The following RASGRF2 variants were observed in gnomAD, a reference collection of about 807,000 sequenced individuals.
RASGRF2 encodes the protein ras-specific guanine nucleotide-releasing factor 2.
Under a neutral mutation model 151.0 loss-of-function variants are expected in RASGRF2, and 76 were observed. The observed-to-expected ratio is 0.50, with a 90% CI of 0.42 to 0.61. The LOEUF is 0.61. Among genes scored for constraint, RASGRF2 ranks in the 20% least tolerant of loss-of-function variants. RASGRF2 has a pLI of 0.00. For synonymous variants in RASGRF2, 504 were observed against 566.5 expected (o/e 0.89, Z 1.57); for missense variants, 1,148 against 1,564.6 (o/e 0.73, Z 4.49).
chr5:81,052,453 T>C (rs1222306504), intron 2 of RASGRF2, among the ~76,000 whole-genome samples: 1 of 152,092 alleles, frequency 6.6e-6, no homozygotes. Context: ...GAAGGAGCAA[T>C]GTTTAGAAGA....
rs1749674970 is a variant in RASGRF2 at position 81,017,459 on chromosome 5, G to A, written c.289-25418G>A. Among the ~76,000 whole-genome samples the A allele has an allele frequency of 3.3e-5, 5 of 152,340 alleles. No homozygotes were observed. The South Asian group carries it at 1.0e-3, about 32-fold the overall frequency. ...TGAATAAAAGTTGGCTTCTAGTGAA[G>A]CAAATGTGCCCATGGCAAGGCCTCT... On this transcript the variant is annotated intron_variant, in intron 1 of 26. Coordinates refer to ENST00000265080, the MANE Select transcript of RASGRF2 (RefSeq NM_006909.3).
At chr5:81,209,183 G>A (rs1226914209) in intron 22 of RASGRF2, among the ~76,000 whole-genome samples, 1 of 152,152 alleles carries the variant, frequency 6.6e-6, no homozygotes, top group African/African-American at 2.4e-5. Context: ...GCCTCTTGGA[G>A]CATAATCACA....
chr5:80,999,425 C>A (rs2112285095), intron 1 of RASGRF2, among the ~76,000 whole-genome samples: 1 of 152,234 alleles, frequency 6.6e-6, no homozygotes, highest in East Asian at 1.9e-4. Context: ...TCACTGTAGC[C>A]TCAACCTCCT....
At chr5:80,993,059 A>C (rs1219746953) in intron 1 of RASGRF2, among the ~76,000 whole-genome samples, 2 of 152,218 alleles carry the variant, frequency 1.3e-5, no homozygotes, top group South Asian at 2.1e-4. Flanking sequence ...CATTACTGAA[A>C]TAAATAGCAT....
intron 1 of RASGRF2, among the ~76,000 whole-genome samples, chr5:81,035,432 G>T (rs953386295): frequency 6.6e-6 from 1 of 152,038 alleles, no homozygotes; most frequent in Non-Finnish European, 1.5e-5. Flanking sequence ...TGGACATAGG[G>T]TGGGGAGCAT....
In RASGRF2 at chr5:81,009,133, C is replaced by T. The variant is rs533805285; in HGVS notation, c.289-33744C>T. ...TGGGTGATTGTCCTGCCTCTTTCAGCCTGTTTCCTCATCTGTAAAAGGGGA... is the reference window on the plus strand; with the variant it reads ...TGGGTGATTGTCCTGCCTCTTTCAGTCTGTTTCCTCATCTGTAAAAGGGGA... On this transcript the variant is annotated intron_variant, in intron 1 of 26. Transcript: ENST00000265080. Among the ~76,000 whole-genome samples, 11 of 152,310 alleles carry T rather than the reference C, an allele frequency of 7.2e-5. No homozygotes were observed. The South Asian group carries it at 1.0e-3, about 14-fold the overall frequency.
In RASGRF2 at chr5:81,228,942, G is replaced by T. The variant is rs930893375; in HGVS notation, c.*3172G>T. ...TAAACAAATGAAACTCAGAGAAACTGAATCACCTGGAAGAGAAAAATCCAT... is the reference window on the plus strand; with the variant it reads ...TAAACAAATGAAACTCAGAGAAACTTAATCACCTGGAAGAGAAAAATCCAT... On this transcript the variant is annotated 3_prime_UTR_variant, in exon 27 of 27. Transcript: ENST00000265080. 1.3e-5 allele frequency: 2 copies of T among 152,170 alleles called. No individual in the cohort carries two copies. Among genetic ancestry groups the T allele is most frequent in the African/African-American group, 2.4e-5 (1 of 41,446 alleles). The allele number at this position is 152,170 out of a possible 1,614,324, so 9.4% of individuals were successfully genotyped here.
At chr5:80,989,063 C>T (rs1183991750) in intron 1 of RASGRF2, among the ~76,000 whole-genome samples, 1 of 151,942 alleles carries the variant, frequency 6.6e-6, no homozygotes, top group Non-Finnish European at 1.5e-5. Flanking sequence ...CTGCAACCTC[C>T]ACCTCCGGGA....
chr5:81,051,943 G>A (rs955257597), intron 2 of RASGRF2, among the ~76,000 whole-genome samples: 11 of 152,202 alleles, frequency 7.2e-5, no homozygotes, highest in African/African-American at 1.4e-4. Flanking sequence ...CACCAGCTAC[G>A]TATTGAGGGT....
chr5:81,125,328 C>G (rs1444577731), intron 16 of RASGRF2, among the ~76,000 whole-genome samples: 1 of 152,176 alleles, frequency 6.6e-6, no homozygotes, highest in Non-Finnish European at 1.5e-5. Flanking sequence ...CTGAGAGCAA[C>G]TAGGAAGGTC....
Position 81,201,315 on chromosome 5 carries a change from C to T in RASGRF2, c.2794-15C>T, listed in dbSNP as rs1755389100. ...TTCAAAGCTAAAATTTAAAAAGATT[C>T]ATTTTATTTTACAGGATTTCGAACT... On this transcript the variant is annotated splice_polypyrimidine_tract_variant and intron_variant, in intron 18 of 26. Transcript: ENST00000265080. 1.2e-6 allele frequency: 2 copies of T among 1,602,648 alleles called. No individual in the cohort carries two copies. The highest frequency in any genetic ancestry group is 1.8e-5 in the Admixed American group (1 of 57,116).
At chr5:81,208,940 C>T (rs1755572401) in intron 22 of RASGRF2, among the ~76,000 whole-genome samples, 1 of 152,194 alleles carries the variant, frequency 6.6e-6, no homozygotes, top group African/African-American at 2.4e-5. Flanking sequence ...GTCCAATTAA[C>T]TTCCTGACAT....
chr5:81,085,337 A>G (rs1752197390), intron 7 of RASGRF2, among the ~76,000 whole-genome samples: 2 of 152,218 alleles, frequency 1.3e-5, no homozygotes, highest in South Asian at 4.1e-4. Flanking sequence ...AGAAACAGAA[A>G]GTAATAAAGG....
intron 13 of RASGRF2, among the ~76,000 whole-genome samples, chr5:81,109,312 A>G (rs1001478689): frequency 6.6e-6 from 1 of 152,228 alleles, no homozygotes; most frequent in East Asian, 1.9e-4. Context: ...ATACTGTTAC[A>G]TATGTCTTCA....
At chr5:80,967,575 G>A (rs958001964) in intron 1 of RASGRF2, among the ~76,000 whole-genome samples, 4 of 152,072 alleles carry the variant, frequency 2.6e-5, no homozygotes, top group Non-Finnish European at 5.9e-5. Flanking sequence ...TTATTTTCAG[G>A]GTACTGAAGT....
intron 18 of RASGRF2, among the ~76,000 whole-genome samples, chr5:81,180,526 C>T (rs1176867931): frequency 1.3e-5 from 2 of 152,116 alleles, no homozygotes; most frequent in Admixed American, 6.5e-5. Flanking sequence ...TCTGTCCCTG[C>T]AGCTTCTGAG....
chr5:81,069,100 T>C (rs1751699274), intron 3 of RASGRF2, among the ~76,000 whole-genome samples: 2 of 152,250 alleles, frequency 1.3e-5, no homozygotes, highest in Admixed American at 1.3e-4. Context: ...GTCATTTTTA[T>C]TGTCATCAGA....
At chr5:81,177,906 A>G (rs560433819) in intron 17 of RASGRF2, among the ~76,000 whole-genome samples, 1 of 152,300 alleles carries the variant, frequency 6.6e-6, no homozygotes, top group South Asian at 2.1e-4. Flanking sequence ...GAAATGGAAG[A>G]AGGAGAGAAA....
At chr5:81,138,795 C>G (rs1253340222) in intron 17 of RASGRF2, among the ~76,000 whole-genome samples, 4 of 151,774 alleles carry the variant, frequency 2.6e-5, no homozygotes, top group Non-Finnish European at 5.9e-5. Context: ...TTTGTGATGA[C>G]CATTTCCCTT....
Sources: allele counts gnomAD v4.1 joint callset (sites outside exome capture counted in the v4.1 genomes callset), GRCh38; gene constraint gnomAD v4.1.1; transcripts MANE v1.5; gene names NCBI Gene and HGNC (gene_info 2026-07-23, HGNC 2026-07-21).